SCAF4: variants seen among roughly 807,000 people sequenced by gnomAD.
SCAF4 encodes SR-related and CTD-associated factor 4.
A neutral mutation model predicts 129.8 loss-of-function variants in SCAF4; 25 were observed. That is an observed-to-expected ratio of 0.19 (90% CI 0.14 to 0.27). SCAF4 has a LOEUF of 0.27. SCAF4 is among the 10% of genes least tolerant of loss of function. The pLI is 1.00. For missense variants in SCAF4, 1,246 were observed against 1,457.1 expected (o/e 0.86, Z 2.36); for synonymous variants, 551 against 497.7 (o/e 1.11, Z -1.43).
Position 31,712,555 on chromosome 21 carries a change from C to G in SCAF4, c.31-6198G>C, listed in dbSNP as rs561691423. Among the ~76,000 whole-genome samples, 400 of 129,286 alleles carry G rather than the reference C, an allele frequency of 3.1e-3. 2 individuals are homozygous for G. Among genetic ancestry groups the G allele is most frequent in the African/African-American group, 0.011 (378 of 33,576 alleles). The allele number at this position is 129,286 out of a possible 152,430, so 84.8% of individuals were successfully genotyped here. On this transcript the variant is annotated intron_variant, in intron 1 of 19. Coordinates refer to ENST00000286835, the MANE Select transcript of SCAF4 (RefSeq NM_020706.2). ...TTTTTTTTTTTTTTTTGAGACAAAG[C>G]CTTGCTATTGTCCCCCAGGCTGGAG...
At chr21:31,713,599 C>T (rs780850210) in intron 1 of SCAF4, among the ~76,000 whole-genome samples, 1 of 151,892 alleles carries the variant, frequency 6.6e-6, no homozygotes, top group Non-Finnish European at 1.5e-5. Flanking sequence ...GTACTGTGGT[C>T]AAAAATATGA....
chr21:31,706,723 CA>C, intron 1 of SCAF4: 1 of 223,088 alleles, frequency 4.5e-6, no homozygotes. Context: ...GATGTGCAAA[CA>C]AAAGGGAAAG....
rs2050267140 is a variant in SCAF4, at chr21:31,691,813, G to A, written c.1728+4C>T. On this transcript the variant is annotated splice_donor_region_variant and intron_variant, in intron 14 of 19. Coordinates refer to ENST00000286835, the MANE Select transcript of SCAF4 (RefSeq NM_020706.2). ...AAAATTAATTATAACATGTAAGACT[G>A]TACCTTTATGGATTTCTGGTTCACT... is the stretch of plus-strand genomic sequence containing the variant. 9 of 1,520,110 alleles carry A rather than the reference G, an allele frequency of 5.9e-6. No homozygotes were observed. In the East Asian group the frequency reaches 1.8e-4, roughly 31 times the overall value. 94.2% of individuals were successfully genotyped at this position (1,520,110 alleles called of 1,614,324 possible).
chr21:31,709,376 A>G (rs1057265531), intron 1 of SCAF4, among the ~76,000 whole-genome samples: 1 of 152,022 alleles, frequency 6.6e-6, no homozygotes, highest in African/African-American at 2.4e-5. Flanking sequence ...AAAGAAAGAA[A>G]GAAAGAAATG....
intron 9 of SCAF4, among the ~76,000 whole-genome samples, chr21:31,695,288 T>C (rs2050357967): frequency 6.6e-6 from 1 of 152,176 alleles, no homozygotes; most frequent in Non-Finnish European, 1.5e-5. Flanking sequence ...AAGTCAGAAG[T>C]ACTCCATTGC....
In SCAF4 at chr21:31,701,769, A is replaced by T. The variant is rs1199744173; in HGVS notation, c.600+7T>A. 6.2e-7 allele frequency: 1 copy of T among 1,602,300 alleles called. No homozygotes were observed. The highest frequency in any genetic ancestry group is 1.1e-5 in the South Asian group (1 of 88,176). On this transcript the variant is annotated splice_region_variant and intron_variant, in intron 6 of 19. Transcript: ENST00000286835. ...CAAACAATTTCACTTTTGAGTAGAC[A>T]GTTTACCTGTTGGCCTTGAGTTGTC...
At chr21:31,717,898 CAT>C (rs757728318) in intron 1 of SCAF4, among the ~76,000 whole-genome samples, 6,434 of 102,690 alleles carry the variant, frequency 0.063, 160 homozygotes, top group East Asian at 0.12. Context: ...CATATATACA[CAT>C]ATATACACAC....
intron 1 of SCAF4, among the ~76,000 whole-genome samples, chr21:31,728,223 G>A (rs1159433899): frequency 2.6e-5 from 4 of 152,134 alleles, no homozygotes; most frequent in Admixed American, 2.6e-4. Context: ...TAAAGCTAAA[G>A]ACTTATATAT....
chr21:31,696,272 G>A (rs2050383335), intron 8 of SCAF4, 51 bp from the exon 9 acceptor site: 3 of 1,391,122 alleles, frequency 2.2e-6, no homozygotes, highest in South Asian at 2.3e-5. Context: ...AAGCTTCTCA[G>A]CCACACTTAA....
intron 1 of SCAF4, chr21:31,706,991 A>G (rs2050680384): frequency 3.3e-6 from 1 of 302,200 alleles, no homozygotes; most frequent in Non-Finnish European, 6.3e-6. Flanking sequence ...TAAGGAGGGA[A>G]TCCCAGTTCA....
chr21:31,717,206 T>C (rs1041471329), intron 1 of SCAF4, among the ~76,000 whole-genome samples: 36 of 152,178 alleles, frequency 2.4e-4, no homozygotes, highest in Admixed American at 2.1e-3. Flanking sequence ...AAAATGTCCA[T>C]ACCTTTTGAA....
rs1401308275 is a variant in SCAF4 at position 31,671,199 on chromosome 21, A to G, written c.*200T>C. On this transcript the variant is annotated 3_prime_UTR_variant, in exon 20 of 20. Coordinates refer to ENST00000286835, the MANE Select transcript of SCAF4 (RefSeq NM_020706.2). ...TTTAAAAAGTTACAGCAAAAAGGGT[A>G]ATATTTATTCATATTTTCAGTATTT... is the stretch of plus-strand genomic sequence containing the variant. The G allele has an allele frequency of 1.0e-5, 5 of 476,388 alleles. No individual in the cohort carries two copies. The highest frequency in any genetic ancestry group is 1.8e-5 in the Non-Finnish European group (5 of 279,292). The allele number at this position is 476,388 out of a possible 1,614,324, so 29.5% of individuals were successfully genotyped here. A position where few individuals can be genotyped will look rare whatever the true frequency, so the allele number is the denominator to read the frequency against.
Position 31,685,608 on chromosome 21 carries a change from T to C in SCAF4, c.2169A>G (p.Pro723=), listed in dbSNP as rs1355824154. 2.5e-6 allele frequency: 4 copies of C among 1,613,824 alleles called. No individual in the cohort carries two copies. The South Asian group carries it at 4.4e-5, about 18-fold the overall frequency. The change falls in exon 17 of 20, where the codon CCA becomes CCG. Residue 723 remains proline, a synonymous_variant. Coordinates refer to ENST00000286835, the MANE Select transcript of SCAF4 (RefSeq NM_020706.2). ...TTGGGTTGAATCCTGGGCGCAAAAA[T>C]GGTGGAGGAGGAGGGGGAGGAGGAA... ...PGVPPPPPPP[P]FLRPGFNPMH... is the part of the protein sequence containing the mutation.
intron 1 of SCAF4, among the ~76,000 whole-genome samples, chr21:31,726,414 A>G (rs2051206217): frequency 6.6e-6 from 1 of 152,018 alleles, no homozygotes; most frequent in Non-Finnish European, 1.5e-5. Context: ...CAATCCCAGT[A>G]CTTTCAGGGG....
chr21:31,675,326 T>A (rs2049824837), intron 19 of SCAF4, among the ~76,000 whole-genome samples: 1 of 152,182 alleles, frequency 6.6e-6, no homozygotes, highest in South Asian at 2.1e-4. Context: ...TTTTGATAGA[T>A]CCTTCTGGCA....
chr21:31,718,497 T>C (rs1450004906), intron 1 of SCAF4, among the ~76,000 whole-genome samples: 1 of 152,144 alleles, frequency 6.6e-6, no homozygotes, highest in African/African-American at 2.4e-5. Flanking sequence ...GATTTTGCCA[T>C]GTTAGCCAGG....
At chr21:31,689,053 T>C (rs1347022401) in intron 15 of SCAF4, among the ~76,000 whole-genome samples, 2 of 152,208 alleles carry the variant, frequency 1.3e-5, no homozygotes, top group Non-Finnish European at 2.9e-5. Context: ...AGCTTTTCAA[T>C]ACATTCTCCA....
intron 1 of SCAF4, among the ~76,000 whole-genome samples, chr21:31,716,107 C>G (rs987201883): frequency 6.6e-6 from 1 of 152,096 alleles, no homozygotes; most frequent in Non-Finnish European, 1.5e-5. Flanking sequence ...AGACTATATA[C>G]TAATCTAAGC....
chr21:31,687,051 C>T lies in SCAF4; in HGVS notation c.2043+1256G>A, dbSNP rs548952763. Among the ~76,000 whole-genome samples, 5 of 152,292 alleles carry T rather than the reference C, an allele frequency of 3.3e-5. No individual in the cohort carries two copies. The South Asian group carries it at 1.0e-3, about 32-fold the overall frequency. The stretch of plus-strand genomic sequence containing the variant: ...GAAGGTCAGCTGAAGAGTTTGCCAA[C>T]TAGGGGAGTCCATTTAAATCACAGC... On this transcript the variant is annotated intron_variant, in intron 16 of 19. Transcript: ENST00000286835.
Sources: allele counts gnomAD v4.1 joint callset (sites outside exome capture counted in the v4.1 genomes callset), GRCh38; gene constraint gnomAD v4.1.1; transcripts MANE v1.5; gene names NCBI Gene and HGNC (gene_info 2026-07-23, HGNC 2026-07-21).